Variants in PMFBP1 observed in about 807,000 individuals in gnomAD.
The protein encoded by PMFBP1 is polyamine modulated factor 1 binding protein 1, also known as polyamine-modulated factor 1-binding protein 1.
Under a neutral mutation model 137.8 loss-of-function variants are expected in PMFBP1, and 131 were observed. The observed-to-expected ratio is 0.95, with a 90% CI of 0.82 to 1.10. PMFBP1 has a LOEUF of 1.10. PMFBP1 is among the 50% of genes least tolerant of loss of function. The pLI is 0.00. For missense variants in PMFBP1, 1,199 were observed against 1,175.4 expected, an observed-to-expected ratio of 1.02 and a Z score of -0.29; for synonymous variants, 490 against 450.4, an observed-to-expected ratio of 1.09 and a Z score of -1.11.
At chr16:72,238,086 T>C in the PMFBP1 span, among the ~76,000 whole-genome samples, 1 of 152,232 alleles carries the variant, frequency 6.6e-6, no homozygotes, top group Non-Finnish European at 1.5e-5. Flanking sequence ...TTTGCTATTG[T>C]GGATAGTGCT....
chr16:72,155,652 T>C (rs568380603), intron 3 of PMFBP1, among the ~76,000 whole-genome samples: 2 of 152,376 alleles, frequency 1.3e-5, no homozygotes, highest in African/African-American at 4.8e-5. Context: ...AGAGTACTTC[T>C]AATACCGTGG....
At chr16:72,177,175 G>A (rs2144544224), upstream of PMFBP1, among the ~76,000 whole-genome samples, 1 of 152,180 alleles carries the variant, frequency 6.6e-6, no homozygotes, top group Non-Finnish European at 1.5e-5. Flanking sequence ...CTCCCAATTG[G>A]TTGCTCTTTC....
At chr16:72,216,726 G>A in the PMFBP1 span, among the ~76,000 whole-genome samples, 1 of 152,200 alleles carries the variant, frequency 6.6e-6, no homozygotes, top group Non-Finnish European at 1.5e-5. Context: ...GCTTCCAGCA[G>A]AGCATAAATG....
intron 5 of PMFBP1, among the ~76,000 whole-genome samples, chr16:72,143,066 G>C (rs1434264347): frequency 2.0e-5 from 3 of 152,120 alleles, no homozygotes; most frequent in Non-Finnish European, 4.4e-5. Flanking sequence ...ATCTATTCGT[G>C]TAATCTGCTT....
the PMFBP1 span, among the ~76,000 whole-genome samples, chr16:72,205,501 G>C: frequency 1.8e-4 from 27 of 152,198 alleles, no homozygotes; most frequent in Admixed American, 1.8e-3. Context: ...TGAGCATCCT[G>C]GATTGCTGTG....
chr16:72,231,125 G>A, the PMFBP1 span, among the ~76,000 whole-genome samples: 2 of 152,076 alleles, frequency 1.3e-5, no homozygotes, highest in Admixed American at 6.6e-5. Flanking sequence ...GAGATGATGT[G>A]GGGGTAGCAC....
chr16:72,117,249 T>C (rs1597453986), downstream of PMFBP1, among the ~76,000 whole-genome samples: 1 of 57,090 alleles, frequency 1.8e-5, no homozygotes. Flanking sequence ...TATTTGTTTA[T>C]TTTTTTTGCT....
chr16:72,187,983 T>C, the PMFBP1 span, among the ~76,000 whole-genome samples: 1 of 152,206 alleles, frequency 6.6e-6, no homozygotes, highest in Non-Finnish European at 1.5e-5. Flanking sequence ...TAATACAATG[T>C]CTCTTTTCCT....
intron 5 of PMFBP1, among the ~76,000 whole-genome samples, chr16:72,144,348 G>T (rs1241841146): frequency 6.6e-6 from 1 of 151,802 alleles, no homozygotes; most frequent in Non-Finnish European, 1.5e-5. Flanking sequence ...AAGAGTGAAG[G>T]AGGACCTGTC....
intron 5 of PMFBP1, among the ~76,000 whole-genome samples, chr16:72,141,678 G>A (rs887206581): frequency 1.3e-5 from 2 of 151,758 alleles, no homozygotes; most frequent in African/African-American, 2.4e-5. Flanking sequence ...GTTTCCTACT[G>A]ATGAGAATAT....
At chr16:72,189,565 G>A in the PMFBP1 span, among the ~76,000 whole-genome samples, 11 of 152,330 alleles carry the variant, frequency 7.2e-5, no homozygotes, top group South Asian at 2.3e-3. Flanking sequence ...AAGAGGAGAA[G>A]GAAGATAAAT....
intron 19 of PMFBP1, among the ~76,000 whole-genome samples, chr16:72,120,342 T>G (rs886946935): frequency 1.1e-4 from 16 of 152,192 alleles, no homozygotes; most frequent in South Asian, 2.1e-4. Context: ...GCCTGTTTTC[T>G]TATCTGTCAG....
chr16:72,222,435 G>T, the PMFBP1 span, among the ~76,000 whole-genome samples: 1 of 151,996 alleles, frequency 6.6e-6, no homozygotes, highest in Admixed American at 6.5e-5. Flanking sequence ...TTTATTGCAT[G>T]CTTGCAATAT....
chr16:72,235,819 A>AT, the PMFBP1 span, among the ~76,000 whole-genome samples: 1 of 152,050 alleles, frequency 6.6e-6, no homozygotes, highest in African/African-American at 2.4e-5. Context: ...AATACAATTG[A>AT]TTTTTTGCCT....
the PMFBP1 span, among the ~76,000 whole-genome samples, chr16:72,244,524 A>G: frequency 6.6e-6 from 1 of 152,204 alleles, no homozygotes; most frequent in Non-Finnish European, 1.5e-5. Flanking sequence ...TCCTTGAAGA[A>G]TTGCCATAAT....
intron 7 of PMFBP1, among the ~76,000 whole-genome samples, chr16:72,138,056 GT>G (rs2042660071): frequency 6.6e-6 from 1 of 152,306 alleles, no homozygotes; most frequent in East Asian, 1.9e-4. Flanking sequence ...ACATAATGCG[GT>G]GGGGGAAGGT....
intron 10 of PMFBP1, among the ~76,000 whole-genome samples, chr16:72,132,232 T>C (rs2042559827): frequency 6.6e-6 from 1 of 152,160 alleles, no homozygotes; most frequent in Non-Finnish European, 1.5e-5. Context: ...TTCCAGAGCA[T>C]TTTCATCACC....
chr16:72,156,384 C>G (rs148994952), intron 3 of PMFBP1, among the ~76,000 whole-genome samples: 4 of 151,924 alleles, frequency 2.6e-5, no homozygotes, highest in Non-Finnish European at 5.9e-5. Context: ...TTTGGGAGGC[C>G]GACGTGGGTG....
At chr16:72,247,552 T>C in the PMFBP1 span, among the ~76,000 whole-genome samples, 2 of 152,234 alleles carry the variant, frequency 1.3e-5, no homozygotes, top group African/African-American at 4.8e-5. Flanking sequence ...CCATTAATAC[T>C]TGGACATTAT....
Sources: gnomAD v4.1 joint callset for allele counts (sites outside exome capture counted in the v4.1 genomes callset) on GRCh38, gnomAD v4.1.1 for gene constraint, MANE v1.5 for transcripts, NCBI Gene and HGNC (gene_info 2026-07-23, HGNC 2026-07-21) for gene names.